GPC6: variants seen among roughly 807,000 people sequenced by gnomAD.
The protein encoded by GPC6 is glypican-6.
In GPC6, 14 loss-of-function variants were observed where a neutral mutation model predicts 55.2. That is an observed-to-expected ratio of 0.25 (90% CI 0.17 to 0.40). GPC6 has a LOEUF of 0.40. Among genes scored for constraint, GPC6 ranks in the 10% least tolerant of loss-of-function variants. GPC6 has a pLI of 1.00. For missense variants in GPC6, 641 were observed against 708.5 expected (o/e 0.90, Z 1.08); for synonymous variants, 278 against 259.6 (o/e 1.07, Z -0.68).
intron 4 of GPC6, among the ~76,000 whole-genome samples, chr13:94,218,068 T>C (rs1220995991): frequency 6.6e-6 from 1 of 152,202 alleles, no homozygotes. Context: ...TGATTTGTAT[T>C]CTATCAGAGA....
intron 4 of GPC6, among the ~76,000 whole-genome samples, chr13:94,092,191 G>A (rs563331132): frequency 4.0e-5 from 6 of 151,724 alleles, no homozygotes; most frequent in East Asian, 1.9e-4. Context: ...TCAAGTATAC[G>A]ATAGATTATT....
intron 1 of GPC6, among the ~76,000 whole-genome samples, chr13:93,481,463 C>T (rs896855238): frequency 1.5e-4 from 23 of 151,808 alleles, no homozygotes; most frequent in African/African-American, 5.3e-4. Context: ...TATCTTTTTT[C>T]ATTTGTCACT....
At chr13:93,622,229 C>T (rs1293409752) in intron 2 of GPC6, among the ~76,000 whole-genome samples, 1 of 152,168 alleles carries the variant, frequency 6.6e-6, no homozygotes, top group East Asian at 1.9e-4. Context: ...TGCTAATGCT[C>T]ATTGAGAACT....
intron 1 of GPC6, among the ~76,000 whole-genome samples, chr13:93,352,668 A>G (rs1407948434): frequency 6.6e-6 from 1 of 152,072 alleles, no homozygotes; most frequent in Non-Finnish European, 1.5e-5. Flanking sequence ...TGGGGAGTGG[A>G]AGGAAGAGAA....
At chr13:93,797,140 C>T (rs368758352) in intron 2 of GPC6, among the ~76,000 whole-genome samples, 2 of 83,546 alleles carry the variant, frequency 2.4e-5, no homozygotes, top group East Asian at 5.8e-4. Context: ...AATTATAGTT[C>T]CCTTTGTCAT....
chr13:93,828,418 A>G (rs922249748), intron 2 of GPC6, among the ~76,000 whole-genome samples: 3 of 152,042 alleles, frequency 2.0e-5, no homozygotes, highest in East Asian at 1.9e-4. Context: ...GATAACTAGC[A>G]TTTTTGAAAA....
intron 1 of GPC6, among the ~76,000 whole-genome samples, chr13:93,484,322 G>T (rs1261385809): frequency 6.6e-6 from 1 of 152,008 alleles, no homozygotes; most frequent in African/African-American, 2.4e-5. Context: ...TAATTGTTGT[G>T]AAACAGATAC....
intron 3 of GPC6, among the ~76,000 whole-genome samples, chr13:94,022,947 T>G (rs1882757594): frequency 6.6e-6 from 1 of 152,084 alleles, no homozygotes; most frequent in African/African-American, 2.4e-5. Context: ...AAATAAGTAT[T>G]AAAAATAATG....
At chr13:93,921,765 G>GT (rs372847607) in intron 3 of GPC6, among the ~76,000 whole-genome samples, 312 of 151,872 alleles carry the variant, frequency 2.1e-3, no homozygotes, top group African/African-American at 7.3e-3. Context: ...AGGAATGCCT[G>GT]TTTCCATTTA....
At chr13:93,878,694 G>C (rs1874760196) in intron 3 of GPC6, among the ~76,000 whole-genome samples, 1 of 152,026 alleles carries the variant, frequency 6.6e-6, no homozygotes, top group Admixed American at 6.6e-5. Flanking sequence ...TCAGACTCTT[G>C]TGCCATGTGA....
At chr13:94,228,916 A>C (rs1890638908) in intron 4 of GPC6, among the ~76,000 whole-genome samples, 1 of 152,184 alleles carries the variant, frequency 6.6e-6, no homozygotes, top group Non-Finnish European at 1.5e-5. Flanking sequence ...GATTACTTAC[A>C]CAGAATGTGC....
At chr13:94,032,104 TC>T in intron 4 of GPC6, among the ~76,000 whole-genome samples, 1 of 152,194 alleles carries the variant, frequency 6.6e-6, no homozygotes, top group East Asian at 1.9e-4. Context: ...AGAGAATGCT[TC>T]TAACATCAAG....
intron 1 of GPC6, among the ~76,000 whole-genome samples, chr13:93,283,892 C>T (rs991778455): frequency 1.3e-5 from 2 of 152,110 alleles, no homozygotes; most frequent in Non-Finnish European, 2.9e-5. Flanking sequence ...TGGAGGGGTA[C>T]ATAACTCAGC....
chr13:93,896,495 A>C (rs1876019193), intron 3 of GPC6, among the ~76,000 whole-genome samples: 1 of 152,096 alleles, frequency 6.6e-6, no homozygotes, highest in Admixed American at 6.6e-5. Context: ...AGAAGGGAAA[A>C]ATGATAGTCT....
At chr13:93,235,162 A>G (rs963427070) in intron 1 of GPC6, among the ~76,000 whole-genome samples, 4 of 152,190 alleles carry the variant, frequency 2.6e-5, no homozygotes, top group African/African-American at 9.7e-5. Context: ...TATAATAACA[A>G]CGAGAGGTTG....
At chr13:94,308,331 G>A (rs533721261) in intron 6 of GPC6, among the ~76,000 whole-genome samples, 2 of 152,266 alleles carry the variant, frequency 1.3e-5, no homozygotes, top group Admixed American at 1.3e-4. Context: ...AAATCTGATG[G>A]ACATGAAAAT....
At chr13:94,318,609 G>A (rs983819575) in intron 6 of GPC6, among the ~76,000 whole-genome samples, 23 of 152,296 alleles carry the variant, frequency 1.5e-4, no homozygotes, top group African/African-American at 5.5e-4. Flanking sequence ...ATGGTGCACA[G>A]TGTAAAACTT....
Position 93,879,095 on chromosome 13 carries a change from T to C in GPC6, c.711+48550T>C, listed in dbSNP as rs561333653. Among the ~76,000 whole-genome samples, 6 of 152,200 alleles carry C rather than the reference T, an allele frequency of 3.9e-5. No individual in the cohort carries two copies. The East Asian group carries it at 1.2e-3, about 30-fold the overall frequency. ...TCATTTCATTCATTTCATCTTCCAT[T>C]GCTGATACCCTTTCTTCCAGTTGAT... On this transcript the variant is annotated intron_variant, in intron 3 of 8. Transcript: ENST00000377047.
At chr13:93,899,468 C>T (rs1423822951) in intron 3 of GPC6, among the ~76,000 whole-genome samples, 1 of 151,066 alleles carries the variant, frequency 6.6e-6, no homozygotes, top group Non-Finnish European at 1.5e-5. Flanking sequence ...AGAGGAAATT[C>T]CATGGGGGGA....
Sources: allele counts gnomAD v4.1 joint callset (sites outside exome capture counted in the v4.1 genomes callset), GRCh38; gene constraint gnomAD v4.1.1; transcripts MANE v1.5; gene names NCBI Gene and HGNC (gene_info 2026-07-23, HGNC 2026-07-21).